The following GTF2I variants were observed in gnomAD, a reference collection of about 807,000 sequenced individuals.
The protein encoded by GTF2I is general transcription factor II-I.
In GTF2I, 12 loss-of-function variants were observed where a neutral mutation model predicts 67.6. That is an observed-to-expected ratio of 0.18 (90% CI 0.11 to 0.29). The LOEUF (loss-of-function observed/expected upper bound fraction) is 0.29. Among genes scored for constraint, GTF2I ranks in the 10% least tolerant of loss-of-function variants. The pLI is 1.00. For missense variants in GTF2I, 271 were observed against 580.1 expected (o/e 0.47, Z 5.47); for synonymous variants, 149 against 197.0 (o/e 0.76, Z 2.04).
At chr7:74,662,483 T>C (rs1804595286) in intron 1 of GTF2I, among the ~76,000 whole-genome samples, 1 of 142,814 alleles carries the variant, frequency 7.0e-6, no homozygotes, top group Admixed American at 7.5e-5. Flanking sequence ...GTGCTGGGAT[T>C]ACAGGCGTGA....
At chr7:74,690,646 G>A (rs1463770714) in intron 2 of GTF2I, among the ~76,000 whole-genome samples, 1 of 152,128 alleles carries the variant, frequency 6.6e-6, no homozygotes, top group East Asian at 1.9e-4. Flanking sequence ...CCAGCTCTGG[G>A]TGCAGCTACA....
At chr7:74,719,967 GT>G (rs1177649218) in intron 12 of GTF2I, among the ~76,000 whole-genome samples, 2 of 152,054 alleles carry the variant, frequency 1.3e-5, no homozygotes, top group African/African-American at 4.8e-5. Flanking sequence ...ACTTGTGTAA[GT>G]TTCTTCCCCT....
At position 74,672,564 on chromosome 7, in the gene GTF2I, A is replaced by C. The variant is rs587692587; in HGVS notation, c.-6+14496A>C. Among the ~76,000 whole-genome samples the C allele has an allele frequency of 1.4e-4, 22 of 152,120 alleles. No individual in the cohort carries two copies. The South Asian group carries it at 2.1e-3, about 14-fold the overall frequency. On this transcript the variant is annotated intron_variant, in intron 1 of 34. Transcript: ENST00000573035. ...CAAGAAAAACAAACAAACAAACAAA[A>C]AAAAACACAGAGCCTGTGAATTGCT... is the stretch of plus-strand genomic sequence containing the variant.
intron 12 of GTF2I, chr7:74,726,840 G>GATAGATAA: frequency 7.3e-6 from 1 of 137,866 alleles, no homozygotes; most frequent in Non-Finnish European, 1.5e-5. Context: ...CCGACAGATA[G>GATAGATAA]ATAGATAGAT....
chr7:74,716,397 G>C (rs782009961), intron 10 of GTF2I, among the ~76,000 whole-genome samples: 2 of 152,090 alleles, frequency 1.3e-5, no homozygotes, highest in Non-Finnish European at 2.9e-5. Flanking sequence ...GTACAACTTT[G>C]ATGAAATTAT....
chr7:74,682,762 A>G (rs1469689560), intron 1 of GTF2I, among the ~76,000 whole-genome samples: 1 of 152,244 alleles, frequency 6.6e-6, no homozygotes, highest in Non-Finnish European at 1.5e-5. Context: ...ATTTGGAATT[A>G]TCAGAGACTA....
intron 1 of GTF2I, among the ~76,000 whole-genome samples, chr7:74,684,473 A>G (rs1220357297): frequency 6.6e-6 from 1 of 152,112 alleles, no homozygotes; most frequent in Non-Finnish European, 1.5e-5. Flanking sequence ...TCTGGTGTTC[A>G]TTGTTTAATT....
At chr7:74,683,077 T>TA (rs1787400048) in intron 1 of GTF2I, among the ~76,000 whole-genome samples, 1 of 152,024 alleles carries the variant, frequency 6.6e-6, no homozygotes, top group South Asian at 2.1e-4. Context: ...GGATAGGAGA[T>TA]AGAGAATGGG....
chr7:74,698,416 T>TC (rs1789250452), intron 3 of GTF2I, among the ~76,000 whole-genome samples: 1 of 71,554 alleles, frequency 1.4e-5, no homozygotes, highest in Non-Finnish European at 2.7e-5. Context: ...TTTTTTTTTT[T>TC]AATTTAAGAG....
intron 1 of GTF2I, among the ~76,000 whole-genome samples, chr7:74,671,079 C>CTTTTTT (rs869137920): frequency 4.5e-4 from 28 of 61,806 alleles, no homozygotes; most frequent in African/African-American, 1.5e-3. Context: ...TGGGCAGATC[C>CTTTTTT]TTTTTTTTTT....
chr7:74,722,494 C>T (rs962307446), intron 12 of GTF2I, among the ~76,000 whole-genome samples: 1 of 152,108 alleles, frequency 6.6e-6, no homozygotes, highest in Non-Finnish European at 1.5e-5. Flanking sequence ...AGGTTTCTTT[C>T]TTGCGCAGTT....
At chr7:74,701,990 A>G (rs1365166876) in intron 6 of GTF2I, among the ~76,000 whole-genome samples, 18 of 152,316 alleles carry the variant, frequency 1.2e-4, no homozygotes, top group Non-Finnish European at 1.8e-4. Context: ...CGAGCTTGGT[A>G]GGTGTAGCCG....
At chr7:74,708,228 A>G (rs1405749399) in intron 8 of GTF2I, among the ~76,000 whole-genome samples, 2 of 152,176 alleles carry the variant, frequency 1.3e-5, no homozygotes, top group Non-Finnish European at 2.9e-5. Context: ...GTTTGAACTC[A>G]GGAGGTAGAG....
At chr7:74,662,544 A>T (rs1804612563) in intron 1 of GTF2I, among the ~76,000 whole-genome samples, 1 of 17,674 alleles carries the variant, frequency 5.7e-5, no homozygotes, top group Non-Finnish European at 1.4e-4. Flanking sequence ...TTTTTTTGAG[A>T]CACAGTCTTG....
chr7:74,715,806 A>G (rs1792187268), intron 10 of GTF2I, among the ~76,000 whole-genome samples: 1 of 152,092 alleles, frequency 6.6e-6, no homozygotes, highest in South Asian at 2.1e-4. Flanking sequence ...ATCCCCAGAT[A>G]ATTGTGACAT....
chr7:74,665,565 TG>T (rs1804905967), intron 1 of GTF2I, among the ~76,000 whole-genome samples: 1 of 152,116 alleles, frequency 6.6e-6, no homozygotes, highest in Non-Finnish European at 1.5e-5. Context: ...TTTTTAAAAA[TG>T]GAGTTGATAA....
chr7:74,701,877 TC>T (rs1789822692), intron 6 of GTF2I, among the ~76,000 whole-genome samples: 2 of 152,330 alleles, frequency 1.3e-5, no homozygotes, highest in Middle Eastern at 3.4e-3. Context: ...GCTTTCATCG[TC>T]CCTGTCTCTG....
Position 74,712,203 on chromosome 7 carries a change from G to A in GTF2I, c.763+1094G>A, listed in dbSNP as rs145242341. ...TGACCTCAGGTGATCCACCCGCCTT[G>A]GCCTCCCAAAGTACTGGGATTACAG... On this transcript the variant is annotated intron_variant, in intron 9 of 34. Coordinates refer to ENST00000573035, the MANE Select transcript of GTF2I (RefSeq NM_032999.4). 5.5e-3 allele frequency among the ~76,000 whole-genome samples: 833 copies of A among 152,114 alleles called. 11 individuals are homozygous for A. The highest frequency in any genetic ancestry group is 0.018 in the African/African-American group (764 of 41,514).
chr7:74,675,514 T>G (rs1805818428), intron 1 of GTF2I, among the ~76,000 whole-genome samples: 1 of 152,172 alleles, frequency 6.6e-6, no homozygotes, highest in Non-Finnish European at 1.5e-5. Context: ...AATATCTCCT[T>G]TTAGTATTGA....
Sources: gnomAD v4.1 joint callset for allele counts (sites outside exome capture counted in the v4.1 genomes callset) on GRCh38, gnomAD v4.1.1 for gene constraint, MANE v1.5 for transcripts, NCBI Gene and HGNC (gene_info 2026-07-23, HGNC 2026-07-21) for gene names.